The following TCERG1L variants were observed in gnomAD, a reference collection of about 807,000 sequenced individuals.
The protein encoded by TCERG1L is transcription elongation regulator 1-like protein.
TCERG1L carries 37 observed loss-of-function variants against 56.3 expected under a neutral mutation model. The ratio of observed to expected loss-of-function variants is 0.66; its 90% confidence interval spans 0.51 to 0.87. The LOEUF is 0.87. Among genes scored for constraint, TCERG1L ranks in the 40% least tolerant of loss-of-function variants. TCERG1L has a pLI of 0.00. For missense variants in TCERG1L, 799 were observed against 774.2 expected (o/e 1.03, Z -0.38); for synonymous variants, 324 against 326.3 (o/e 0.99, Z 0.08).
At chr10:131,230,461 T>A (rs547400730) in intron 4 of TCERG1L, among the ~76,000 whole-genome samples, 1 of 152,218 alleles carries the variant, frequency 6.6e-6, no homozygotes, top group Non-Finnish European at 1.5e-5. Flanking sequence ...TCCTGGCCAG[T>A]GCTCACCGGC....
At chr10:131,218,518 A>C (rs1257189366) in intron 4 of TCERG1L, among the ~76,000 whole-genome samples, 1 of 151,628 alleles carries the variant, frequency 6.6e-6, no homozygotes, top group African/African-American at 2.4e-5. Flanking sequence ...TTTGAGACAG[A>C]GTTTCGTTCT....
At chr10:131,172,680 C>T (rs1329382465) in intron 4 of TCERG1L, among the ~76,000 whole-genome samples, 1 of 152,222 alleles carries the variant, frequency 6.6e-6, no homozygotes, top group Non-Finnish European at 1.5e-5. Flanking sequence ...CACGCCTGTC[C>T]AGTCGCCTCC....
chr10:131,256,976 GGAA>G (rs1846170671), intron 4 of TCERG1L, among the ~76,000 whole-genome samples: 1 of 69,682 alleles, frequency 1.4e-5, no homozygotes, highest in African/African-American at 5.3e-5. Flanking sequence ...AAGGAAGGAA[GGAA>G]GGAAGGAAGG....
Position 131,163,213 on chromosome 10 carries a change from T to C in TCERG1L, c.946-3A>G. On this transcript the variant is annotated splice_polypyrimidine_tract_variant and splice_region_variant and intron_variant, in intron 5 of 11. Transcript: ENST00000368642. The stretch of plus-strand genomic sequence containing the variant: ...CCCCCCAGCATCGGTGGAGGCTCCT[T>C]TCAACAGAAAGAGACAGGGGAGTGG... The C allele has an allele frequency of 6.5e-7, 1 of 1,534,920 alleles. No individual in the cohort carries two copies. The highest frequency in any genetic ancestry group is 8.8e-7 in the Non-Finnish European group (1 of 1,142,190).
At position 131,096,672 on chromosome 10, in the gene TCERG1L, G is replaced by A. The variant is rs1299047737; in HGVS notation, c.1604+1634C>T. ...TCCCAGCACTTTGGGAGGCCAAGGCGGGTGGATCACAAGATCAGGAGATCC... is the reference window on the plus strand; with the variant it reads ...TCCCAGCACTTTGGGAGGCCAAGGCAGGTGGATCACAAGATCAGGAGATCC... On this transcript the variant is annotated intron_variant, in intron 11 of 11. Transcript: ENST00000368642. Among the ~76,000 whole-genome samples, 11 of 152,140 alleles carry A rather than the reference G, an allele frequency of 7.2e-5. No homozygotes were observed. The South Asian group carries it at 1.2e-3, about 17-fold the overall frequency.
chr10:131,298,842 G>C (rs903320999), intron 3 of TCERG1L, among the ~76,000 whole-genome samples: 1 of 152,102 alleles, frequency 6.6e-6, no homozygotes. Flanking sequence ...CATGTCAATC[G>C]GGTCAAGTTG....
At chr10:131,230,025 G>A (rs1349931303) in intron 4 of TCERG1L, among the ~76,000 whole-genome samples, 1 of 151,914 alleles carries the variant, frequency 6.6e-6, no homozygotes, top group East Asian at 1.9e-4. Flanking sequence ...GAAGGGAGCA[G>A]CAGGTATGGG....
intron 3 of TCERG1L, among the ~76,000 whole-genome samples, chr10:131,299,195 T>G (rs1404624917): frequency 2.0e-5 from 3 of 152,170 alleles, no homozygotes; most frequent in Non-Finnish European, 4.4e-5. Flanking sequence ...GACTTTTGCT[T>G]TTATGCTCAC....
intron 3 of TCERG1L, among the ~76,000 whole-genome samples, chr10:131,265,493 A>G (rs892641165): frequency 1.3e-5 from 2 of 152,226 alleles, no homozygotes; most frequent in African/African-American, 4.8e-5. Flanking sequence ...GCCCAGCTCC[A>G]GGCCCTTGTG....
intron 4 of TCERG1L, among the ~76,000 whole-genome samples, chr10:131,257,710 C>T (rs1846187724): frequency 6.6e-6 from 1 of 152,100 alleles, no homozygotes. Context: ...TTCTACCCAC[C>T]AGATCCCAGT....
intron 4 of TCERG1L, among the ~76,000 whole-genome samples, chr10:131,184,567 C>G (rs1352010185): frequency 1.3e-5 from 2 of 152,214 alleles, no homozygotes; most frequent in Non-Finnish European, 2.9e-5. Context: ...GATCCCACTA[C>G]CAAGTAGTTG....
At chr10:131,210,262 C>T (rs1218321694) in intron 4 of TCERG1L, among the ~76,000 whole-genome samples, 2 of 152,346 alleles carry the variant, frequency 1.3e-5, no homozygotes, top group Non-Finnish European at 2.9e-5. Context: ...TCCCTGAGGT[C>T]GCCCAGCCTT....
chr10:131,276,532 G>A (rs986006403), intron 3 of TCERG1L, among the ~76,000 whole-genome samples: 10 of 152,162 alleles, frequency 6.6e-5, no homozygotes, highest in African/African-American at 1.9e-4. Flanking sequence ...CATATCCCTT[G>A]GCAGTAACAG....
chr10:131,253,107 T>C (rs1846129152), intron 4 of TCERG1L, among the ~76,000 whole-genome samples: 2 of 152,228 alleles, frequency 1.3e-5, no homozygotes, highest in African/African-American at 2.4e-5. Context: ...TCATGGGCTC[T>C]TGGCCTGTGC....
At chr10:131,227,551 C>T (rs61861220) in intron 4 of TCERG1L, among the ~76,000 whole-genome samples, 1 of 152,226 alleles carries the variant, frequency 6.6e-6, no homozygotes, top group Non-Finnish European at 1.5e-5. Context: ...GAATGTCCCA[C>T]TCAGATCCCG....
chr10:131,171,912 A>G (rs1478893465), intron 4 of TCERG1L, among the ~76,000 whole-genome samples: 2 of 152,226 alleles, frequency 1.3e-5, no homozygotes, highest in Admixed American at 1.3e-4. Flanking sequence ...GTTTCTTTAA[A>G]AATTATTAAA....
chr10:131,132,684 G>A (rs745970056), intron 8 of TCERG1L, among the ~76,000 whole-genome samples: 15 of 152,240 alleles, frequency 9.9e-5, no homozygotes, highest in Non-Finnish European at 2.2e-4. Context: ...AAATCAGAGA[G>A]GCTGCACTGG....
chr10:131,164,390 G>A (rs1846010122), intron 5 of TCERG1L, among the ~76,000 whole-genome samples: 1 of 152,150 alleles, frequency 6.6e-6, no homozygotes, highest in African/African-American at 2.4e-5. Flanking sequence ...CAGACCGCAG[G>A]TCTTTGTTCA....
At chr10:131,168,942 G>A (rs1444480613) in intron 4 of TCERG1L, among the ~76,000 whole-genome samples, 2 of 152,214 alleles carry the variant, frequency 1.3e-5, no homozygotes, top group Non-Finnish European at 2.9e-5. Flanking sequence ...CTATTTCAAG[G>A]TTGGCCTTGG....
Sources: gnomAD v4.1 joint callset for allele counts (sites outside exome capture counted in the v4.1 genomes callset) on GRCh38, gnomAD v4.1.1 for gene constraint, MANE v1.5 for transcripts, NCBI Gene and HGNC (gene_info 2026-07-23, HGNC 2026-07-21) for gene names.